The following MCC variants were observed in gnomAD, a reference collection of about 807,000 sequenced individuals.
MCC encodes the protein colorectal mutant cancer protein.
Under a neutral mutation model 116.2 loss-of-function variants are expected in MCC, and 90 were observed. The ratio of observed to expected loss-of-function variants is 0.77; its 90% CI spans 0.65 to 0.92. MCC has a LOEUF of 0.92. MCC is among the 40% of genes least tolerant of loss of function. The pLI, the probability that MCC is intolerant of heterozygous loss-of-function variation, is 0.00. For missense variants in MCC, 1,516 were observed against 1,312.2 expected (o/e 1.16, Z -2.40); for synonymous variants, 578 against 510.5 (o/e 1.13, Z -1.78).
chr5:113,443,443 C>A (rs529673991), intron 1 of MCC, among the ~76,000 whole-genome samples: 2 of 152,268 alleles, frequency 1.3e-5, no homozygotes, highest in Non-Finnish European at 2.9e-5. Context: ...CATCTGCAAA[C>A]AAAGACAATT....
intron 3 of MCC, among the ~76,000 whole-genome samples, chr5:113,176,473 T>C (rs935733809): frequency 6.6e-6 from 1 of 152,244 alleles, no homozygotes; most frequent in Admixed American, 6.5e-5. Context: ...TCTAGCATGT[T>C]CCTCAACACA....
At chr5:113,046,941 C>A (rs555646116) in intron 16 of MCC, among the ~76,000 whole-genome samples, 3 of 152,220 alleles carry the variant, frequency 2.0e-5, no homozygotes, top group South Asian at 4.2e-4. Flanking sequence ...TTCCGCACGG[C>A]CCTCAAGATA....
chr5:113,036,209 T>C (rs532994371), intron 17 of MCC, among the ~76,000 whole-genome samples: 1 of 152,166 alleles, frequency 6.6e-6, no homozygotes, highest in South Asian at 2.1e-4. Context: ...AGCTCATTTT[T>C]GTATTTTTAG....
chr5:113,174,664 G>A (rs1761238460), intron 3 of MCC, among the ~76,000 whole-genome samples: 1 of 151,190 alleles, frequency 6.6e-6, no homozygotes, highest in African/African-American at 2.4e-5. Context: ...GAGTCCAATG[G>A]TCCAATCACA....
At chr5:113,298,267 C>T (rs1443068720) in intron 3 of MCC, among the ~76,000 whole-genome samples, 1 of 152,198 alleles carries the variant, frequency 6.6e-6, no homozygotes, top group Admixed American at 6.5e-5. Context: ...CAGGAGACCT[C>T]TGCATCTGGG....
rs78841769 is a variant in MCC at position 113,070,191 on chromosome 5, G to A, written c.1925+903C>T. Reference sequence around the variant, plus strand: ...ATTCATTTTGCTTTGATAATTTCCTGAATAAACAAGAATGTTTCTTAAACA... The same window carrying A: ...ATTCATTTTGCTTTGATAATTTCCTAAATAAACAAGAATGTTTCTTAAACA... On this transcript the variant is annotated intron_variant, in intron 12 of 18. Coordinates refer to ENST00000408903, the MANE Select transcript of MCC (RefSeq NM_001085377.2). Among the ~76,000 whole-genome samples the A allele has an allele frequency of 3.9e-4, 60 of 152,234 alleles. 1 individual carries two copies. The East Asian group carries it at 0.011, about 27-fold the overall frequency.
At chr5:113,251,821 GGAATGATGCATATTCAAC>G (rs1238715903) in intron 3 of MCC, among the ~76,000 whole-genome samples, 2 of 152,126 alleles carry the variant, frequency 1.3e-5, no homozygotes, top group Non-Finnish European at 2.9e-5. Context: ...ATAGGAAGTG[GGAATGATGCATATTCAAC>G]GACGCCTACA....
At chr5:113,092,293 C>T (rs1755698722) in intron 8 of MCC, among the ~76,000 whole-genome samples, 1 of 152,132 alleles carries the variant, frequency 6.6e-6, no homozygotes, top group Non-Finnish European at 1.5e-5. Flanking sequence ...AGATGCTATG[C>T]TGCTGGCTTG....
chr5:113,385,467 C>CA (rs1769232499), intron 1 of MCC, among the ~76,000 whole-genome samples: 1 of 152,054 alleles, frequency 6.6e-6, no homozygotes. Context: ...TTCCTGTTTC[C>CA]ACACCCTTCT....
In MCC at chr5:113,276,409, A is replaced by C. The variant is rs1391014408; in HGVS notation, c.627+64110T>G. ...CTTGTTTTTTCTTCTTTAACGTCAG[A>C]CACCAATTCTGCACAATACACTGCT... is the stretch of plus-strand genomic sequence containing the variant. On this transcript the variant is annotated intron_variant, in intron 3 of 18. Transcript: ENST00000408903. 2.6e-5 allele frequency among the ~76,000 whole-genome samples: 4 copies of C among 152,268 alleles called. No individual in the cohort carries two copies. In the East Asian group the frequency reaches 7.7e-4, roughly 29 times the overall value.
At chr5:113,208,946 G>T (rs1561458898) in intron 3 of MCC, among the ~76,000 whole-genome samples, 1 of 152,186 alleles carries the variant, frequency 6.6e-6, no homozygotes, top group Non-Finnish European at 1.5e-5. Context: ...TCTCTGAGGG[G>T]CTAAGGGTCG....
At chr5:113,232,464 G>A (rs1304166699) in intron 3 of MCC, among the ~76,000 whole-genome samples, 1 of 152,080 alleles carries the variant, frequency 6.6e-6, no homozygotes, top group Admixed American at 6.5e-5. Context: ...AAGTCTATCA[G>A]CTTTCAGGCA....
chr5:113,152,173 T>C (rs1759920493), intron 3 of MCC, among the ~76,000 whole-genome samples: 1 of 152,210 alleles, frequency 6.6e-6, no homozygotes. Context: ...AGAAAGAATG[T>C]TCTTCAAAAG....
At chr5:113,238,080 G>A (rs749538644) in intron 3 of MCC, among the ~76,000 whole-genome samples, 3 of 152,146 alleles carry the variant, frequency 2.0e-5, no homozygotes, top group Non-Finnish European at 4.4e-5. Flanking sequence ...CATCAAGAAT[G>A]CAGCTATATC....
chr5:113,357,706 T>C (rs1033779798), intron 2 of MCC, among the ~76,000 whole-genome samples: 1 of 152,132 alleles, frequency 6.6e-6, no homozygotes, highest in Non-Finnish European at 1.5e-5. Context: ...GGAACACTAC[T>C]GGTAACGGAA....
chr5:113,102,718 T>G (rs534755850), intron 7 of MCC, among the ~76,000 whole-genome samples: 1 of 152,356 alleles, frequency 6.6e-6, no homozygotes, highest in Non-Finnish European at 1.5e-5. Context: ...AAACTGTTCA[T>G]TCACATTTAC....
At chr5:113,413,723 C>A (rs1295769555) in intron 1 of MCC, among the ~76,000 whole-genome samples, 7 of 152,158 alleles carry the variant, frequency 4.6e-5, no homozygotes, top group Admixed American at 4.6e-4. Context: ...AAAAAACCAG[C>A]TCTTGGATTC....
intron 1 of MCC, among the ~76,000 whole-genome samples, chr5:113,441,824 A>G (rs1771051467): frequency 6.6e-6 from 1 of 152,208 alleles, no homozygotes; most frequent in South Asian, 2.1e-4. Context: ...CCTGCAAAGC[A>G]CATGAACTCA....
chr5:113,066,884 G>T (rs1380485222), intron 13 of MCC, among the ~76,000 whole-genome samples: 1 of 152,214 alleles, frequency 6.6e-6, no homozygotes, highest in Non-Finnish European at 1.5e-5. Flanking sequence ...TTTGGCTCTG[G>T]AGAGACCTGG....
Sources: allele counts gnomAD v4.1 joint callset (sites outside exome capture counted in the v4.1 genomes callset), GRCh38; gene constraint gnomAD v4.1.1; transcripts MANE v1.5; gene names NCBI Gene and HGNC (gene_info 2026-07-23, HGNC 2026-07-21).